NSUN3: variants seen among roughly 807,000 people sequenced by gnomAD.
NSUN3 encodes the protein NOP2/Sun RNA methyltransferase 3, also known as tRNA (cytosine(34)-C(5))-methyltransferase, mitochondrial.
A neutral mutation model predicts 36.8 loss-of-function variants in NSUN3; 24 were observed. The ratio of observed to expected loss-of-function variants is 0.65; its 90% CI spans 0.47 to 0.92. NSUN3 has a LOEUF of 0.92. NSUN3 is among the 40% of genes least tolerant of loss of function. NSUN3 has a pLI of 0.00. For synonymous variants in NSUN3, 146 were observed against 145.2 expected, an observed-to-expected ratio of 1.01 and a Z score of -0.04; for missense variants, 381 against 392.8, an observed-to-expected ratio of 0.97 and a Z score of 0.25.
At chr3:94,105,997 A>G (rs1221110244) in intron 5 of NSUN3, among the ~76,000 whole-genome samples, 7 of 152,224 alleles carry the variant, frequency 4.6e-5, no homozygotes, top group African/African-American at 1.7e-4. Context: ...TCACCTAAGC[A>G]ACACAAAATG....
At chr3:94,072,969 A>G (rs1301821866) in intron 2 of NSUN3, among the ~76,000 whole-genome samples, 1 of 151,800 alleles carries the variant, frequency 6.6e-6, no homozygotes, top group Non-Finnish European at 1.5e-5. Flanking sequence ...TCACCACCCG[A>G]CAGGCCCTGA....
chr3:94,121,834 A>T (rs2077463416), intron 5 of NSUN3, among the ~76,000 whole-genome samples: 1 of 152,172 alleles, frequency 6.6e-6, no homozygotes, highest in Non-Finnish European at 1.5e-5. Flanking sequence ...ATCCCTTAAC[A>T]GTCAAAATTT....
At chr3:94,096,835 G>T (rs2077343302) in intron 5 of NSUN3, among the ~76,000 whole-genome samples, 1 of 152,080 alleles carries the variant, frequency 6.6e-6, no homozygotes, top group Non-Finnish European at 1.5e-5. Context: ...CACCAGCCTT[G>T]CCATTGTTAT....
intron 2 of NSUN3, chr3:94,076,573 G>T: frequency 1.2e-6 from 1 of 842,720 alleles, no homozygotes. Flanking sequence ...CCCACGGGTA[G>T]ATGGTGTGAT....
chr3:94,081,837 T>C (rs542758241), intron 2 of NSUN3: 1 of 152,332 alleles, frequency 6.6e-6, no homozygotes, highest in South Asian at 2.1e-4. Flanking sequence ...GTTTAAAGCA[T>C]TTAATATAAT....
chr3:94,124,294 A>G (rs948402381), intron 5 of NSUN3, among the ~76,000 whole-genome samples: 2 of 151,600 alleles, frequency 1.3e-5, no homozygotes, highest in Non-Finnish European at 2.9e-5. Context: ...CTGGGATTAC[A>G]GGCATCCACC....
Position 94,127,716 on chromosome 3 carries a change from AATACAAAATTCT to A in NSUN3, c.*1227_*1238del, listed in dbSNP as rs1034771215. 6.6e-6 allele frequency: 1 copy of A among 152,218 alleles called. No individual in the cohort carries two copies. The highest frequency in any genetic ancestry group is 6.5e-5 in the Admixed American group (1 of 15,290). 9.4% of individuals were successfully genotyped at this position (152,218 alleles called of 1,614,324 possible). On this transcript the variant is annotated 3_prime_UTR_variant, in exon 6 of 6. Coordinates refer to ENST00000314622, the MANE Select transcript of NSUN3 (RefSeq NM_022072.5). ...AAAAACAACTTTATCTGATTATAGAAATACAAAATTCTGCTAAAGCTGAATACTTTTGAATTG... is the reference window on the plus strand; with the variant it reads ...AAAAACAACTTTATCTGATTATAGAAGCTAAAGCTGAATACTTTTGAATTG...
At chr3:94,084,036 A>G in intron 2 of NSUN3, 71 bp from the exon 3 acceptor site, 2 of 1,116,522 alleles carry the variant, frequency 1.8e-6, no homozygotes, top group South Asian at 3.1e-5. Context: ...CATTCACCTG[A>G]TTCGTAATAT....
intron 2 of NSUN3, among the ~76,000 whole-genome samples, chr3:94,078,243 T>G (rs955106809): frequency 6.6e-6 from 1 of 152,158 alleles, no homozygotes; most frequent in Admixed American, 6.5e-5. Context: ...TGTGTAGTTG[T>G]GCGGTTTTGA....
rs768275382 is a variant in NSUN3, at chr3:94,094,173, G to A, written c.500G>A (p.Arg167Lys). 1.9e-6 allele frequency: 3 copies of A among 1,612,568 alleles called. 1 individual carries two copies. The Middle Eastern group carries it at 5.0e-4, about 266-fold the overall frequency. The change falls in exon 4 of 6, where the codon AGA (arginine) becomes AAA (lysine). Residue 167 changes from arginine to lysine, a missense_variant. Transcript: ENST00000314622. ...CATTGTAATGAATATGATAGTCTGA[G>A]ATTGAGGTGGCTAAGGCAGACGTTG... ...YLHCNEYDSL[R>K]LRWLRQTLES...
At chr3:94,118,945 T>G (rs2077451243) in intron 5 of NSUN3, among the ~76,000 whole-genome samples, 1 of 152,186 alleles carries the variant, frequency 6.6e-6, no homozygotes. Flanking sequence ...TCTTTTGTTT[T>G]GAGTGAATCA....
At chr3:94,093,929 G>C (rs772933263) in intron 3 of NSUN3, among the ~76,000 whole-genome samples, 1 of 152,138 alleles carries the variant, frequency 6.6e-6, no homozygotes, top group Non-Finnish European at 1.5e-5. Context: ...TGTTGTAAAT[G>C]TTTTATGTAG....
At chr3:94,103,017 G>A (rs2077372291) in intron 5 of NSUN3, among the ~76,000 whole-genome samples, 1 of 152,054 alleles carries the variant, frequency 6.6e-6, no homozygotes, top group South Asian at 2.1e-4. Context: ...CTCTCGAGTA[G>A]CTGGGATTAC....
chr3:94,100,082 A>G (rs1396420192), intron 5 of NSUN3, among the ~76,000 whole-genome samples: 2 of 152,224 alleles, frequency 1.3e-5, no homozygotes, highest in African/African-American at 2.4e-5. Flanking sequence ...ACAAAGAGCA[A>G]TTGGAATGCA....
chr3:94,069,325 G>T (rs1307263259), intron 2 of NSUN3, among the ~76,000 whole-genome samples: 1 of 152,196 alleles, frequency 6.6e-6, no homozygotes, highest in African/African-American at 2.4e-5. Context: ...TCTCTGAGGA[G>T]TAAAAATAAA....
intron 2 of NSUN3, among the ~76,000 whole-genome samples, chr3:94,070,332 G>A (rs1162785192): frequency 1.3e-5 from 2 of 151,988 alleles, no homozygotes; most frequent in South Asian, 2.1e-4. Flanking sequence ...GTGGTGGTGC[G>A]TGCCTGTAGG....
intron 3 of NSUN3, among the ~76,000 whole-genome samples, chr3:94,093,111 G>C (rs1304941193): frequency 6.6e-6 from 1 of 151,786 alleles, no homozygotes; most frequent in African/African-American, 2.4e-5. Context: ...GATTAAAATG[G>C]AAACATTGTC....
At chr3:94,070,704 A>G (rs1424495767) in intron 2 of NSUN3, among the ~76,000 whole-genome samples, 3 of 152,198 alleles carry the variant, frequency 2.0e-5, no homozygotes, top group Non-Finnish European at 4.4e-5. Flanking sequence ...TCACAAAAAG[A>G]AAGGCACACT....
intron 2 of NSUN3, among the ~76,000 whole-genome samples, chr3:94,083,761 T>A (rs1177798576): frequency 6.6e-6 from 1 of 152,180 alleles, no homozygotes; most frequent in Non-Finnish European, 1.5e-5. Flanking sequence ...TTCCTTTCAA[T>A]TTAGTTCTCG....
Sources: gnomAD v4.1 joint callset for allele counts (sites outside exome capture counted in the v4.1 genomes callset) on GRCh38, gnomAD v4.1.1 for gene constraint, MANE v1.5 for transcripts, NCBI Gene and HGNC (gene_info 2026-07-23, HGNC 2026-07-21) for gene names.